UTP20: variants seen among roughly 807,000 people sequenced by gnomAD.
UTP20 encodes UTP20 small subunit processome component.
Under a neutral mutation model 329.5 loss-of-function variants are expected in UTP20, and 164 were observed. The observed-to-expected ratio is 0.50, with a 90% confidence interval of 0.44 to 0.57. The LOEUF is 0.57. Among genes scored for constraint, UTP20 ranks in the 20% least tolerant of loss-of-function variants. The probability of loss-of-function intolerance (pLI) is 0.00; values close to 1 mark genes in which losing one functional copy is unlikely to be tolerated. For missense variants in UTP20, 3,055 were observed against 3,284.2 expected (o/e 0.93, Z 1.71); for synonymous variants, 1,151 against 1,159.3 (o/e 0.99, Z 0.14).
intron 11 of UTP20, 152 bp from the exon 12 acceptor site, chr12:101,295,328 C>A (rs889942452): frequency 3.0e-6 from 2 of 664,960 alleles, no homozygotes; most frequent in Non-Finnish European, 4.8e-6. Context: ...TAAGACATGG[C>A]TGCACAGTCT....
chr12:101,344,755 A>G lies in UTP20; in HGVS notation c.4605+5A>G, dbSNP rs779152207. The G allele has an allele frequency of 2.5e-6, 4 of 1,612,614 alleles. No individual in the cohort carries two copies. The highest frequency in any genetic ancestry group is 3.4e-6 in the Non-Finnish European group (4 of 1,179,338). On this transcript the variant is annotated splice_donor_5th_base_variant and intron_variant, in intron 36 of 61. Coordinates refer to ENST00000261637, the MANE Select transcript of UTP20 (RefSeq NM_014503.3). ...GGTCTGAAGAGCCAGACAGAGGTAT[A>G]TAACTTTGTGTTTTAGGCACTACTG...
chr12:101,295,555 C>T lies in UTP20; in HGVS notation c.1327C>T (p.Leu443=). 1 of 1,613,348 alleles carries T rather than the reference C, an allele frequency of 6.2e-7. No homozygotes were observed. The highest frequency in any genetic ancestry group is 8.5e-7 in the Non-Finnish European group (1 of 1,179,760). ...TGATGCTGTAGTCAAAGATGAAGCT[C>T]TGGCCATTCTGGCCAAGCTCATTCT... ...IDDAVVKDEA[L]AILAKLILNK... is the part of the protein sequence containing the mutation. Residue 443 remains leucine (L), a synonymous_variant, in exon 12 of 62, where the codon CTG becomes TTG. Coordinates refer to ENST00000261637, the MANE Select transcript of UTP20 (RefSeq NM_014503.3).
At chr12:101,326,966 T>C in intron 25 of UTP20, 115 bp from the exon 26 acceptor site, 3 of 1,036,314 alleles carry the variant, frequency 2.9e-6, no homozygotes, top group Non-Finnish European at 2.8e-6. Context: ...GTTTCTGTGT[T>C]TTATAATATA....
At chr12:101,368,580 G>A (rs1391838295) in intron 48 of UTP20, among the ~76,000 whole-genome samples, 1 of 152,100 alleles carries the variant, frequency 6.6e-6, no homozygotes. Flanking sequence ...GTATGTCACT[G>A]GATCCTCACA....
intron 8 of UTP20, chr12:101,291,191 A>G (rs781732422): frequency 4.0e-5 from 9 of 227,356 alleles, no homozygotes; most frequent in Non-Finnish European, 5.9e-5. Flanking sequence ...GTCTCTTCAG[A>G]TAATAAATGG....
rs140719423 is a variant in UTP20, at chr12:101,297,943, C to A, written c.1431-1739C>A. 1.3e-3 allele frequency among the ~76,000 whole-genome samples: 204 copies of A among 152,278 alleles called. 1 individual carries two copies. The highest frequency in any genetic ancestry group is 3.4e-3 in the Middle Eastern group (1 of 294). On this transcript the variant is annotated intron_variant, in intron 12 of 61. Coordinates refer to ENST00000261637, the MANE Select transcript of UTP20 (RefSeq NM_014503.3). ...TTCCACTTCTGTGTTTCTTTCTCTG[C>A]AAAAACACCCCTCTGCCACCCCCAA...
At chr12:101,300,385 C>T (rs932254981) in intron 14 of UTP20, among the ~76,000 whole-genome samples, 1 of 152,174 alleles carries the variant, frequency 6.6e-6, no homozygotes, top group East Asian at 1.9e-4. Flanking sequence ...ACACCTTATG[C>T]TCCAAGCAAA....
At position 101,302,552 on chromosome 12, in the gene UTP20, T is replaced by G; in HGVS notation, c.1780T>G (p.Leu594Val). ...VPVERVKNLV[L>V]TFPLEPSVLL... ...TGTGGAACGTGTGAAGAATTTAGTATTGTAAGTAAACATCTTCCAGTTGGT... is the reference window on the plus strand; with the variant it reads ...TGTGGAACGTGTGAAGAATTTAGTAGTGTAAGTAAACATCTTCCAGTTGGT... Residue 594 changes from leucine to valine, a missense_variant and splice_region_variant, in exon 15 of 62, where the codon TTA (leucine) becomes GTA (valine). Around this residue, in one of 3 missense-constraint regions of UTP20, gnomAD observed 2,445 missense variants for 2,575.5 expected, o/e 0.95. Transcript: ENST00000261637. 1.9e-6 allele frequency: 3 copies of G among 1,588,272 alleles called. No homozygotes were observed. Among genetic ancestry groups the G allele is most frequent in the Non-Finnish European group, 2.6e-6 (3 of 1,166,740 alleles).
intron 44 of UTP20, among the ~76,000 whole-genome samples, chr12:101,362,537 C>G (rs1869962248): frequency 9.8e-6 from 1 of 102,038 alleles, no homozygotes. Context: ...AACCCCGTCT[C>G]TAAGAAAAAT....
chr12:101,357,516 CA>C (rs1869761953), intron 43 of UTP20, among the ~76,000 whole-genome samples: 1 of 152,174 alleles, frequency 6.6e-6, no homozygotes, highest in South Asian at 2.1e-4. Flanking sequence ...TTTAGGAGGC[CA>C]AGACGGGAGG....
Position 101,302,558 on chromosome 12 carries a change from G to C in UTP20, c.1781+5G>C. On this transcript the variant is annotated splice_donor_5th_base_variant and intron_variant, in intron 15 of 61. Transcript: ENST00000261637. ...ACGTGTGAAGAATTTAGTATTGTAA[G>C]TAAACATCTTCCAGTTGGTTTAGTA... The C allele has an allele frequency of 6.4e-7, 1 of 1,566,100 alleles. No homozygotes were observed. The highest frequency in any genetic ancestry group is 8.7e-7 in the Non-Finnish European group (1 of 1,150,068).
Position 101,356,659 on chromosome 12 carries a change from C to T in UTP20, c.5500C>T (p.Leu1834Phe). The T allele has an allele frequency of 6.2e-7, 1 of 1,612,776 alleles. No homozygotes were observed. The highest frequency in any genetic ancestry group is 8.5e-7 in the Non-Finnish European group (1 of 1,179,766). The part of the protein sequence containing the change: ...AFAMVKLMQS[L>F]PQEVMEANLP... ...TGCCATGGTTAAACTAATGCAGTCCCTTCCACAAGAAGTTATGGAAGCTAA... is the reference window on the plus strand; with the variant it reads ...TGCCATGGTTAAACTAATGCAGTCCTTTCCACAAGAAGTTATGGAAGCTAA... Residue 1834 changes from leucine (L) to phenylalanine (F), a missense_variant, in exon 42 of 62, where the codon CTT becomes TTT. Around this residue, in one of 3 missense-constraint regions of UTP20, gnomAD observed 2,445 missense variants for 2,575.5 expected, o/e 0.95. Coordinates refer to ENST00000261637, the MANE Select transcript of UTP20 (RefSeq NM_014503.3).
At chr12:101,313,947 AT>A (rs1234752084) in intron 21 of UTP20, among the ~76,000 whole-genome samples, 1 of 152,218 alleles carries the variant, frequency 6.6e-6, no homozygotes, top group Non-Finnish European at 1.5e-5. Context: ...GTAGAGAGGC[AT>A]TTAATTTAGA....
intron 31 of UTP20, 70 bp from the exon 32 acceptor site, chr12:101,340,453 C>A: frequency 2.1e-6 from 2 of 962,476 alleles, no homozygotes; most frequent in Non-Finnish European, 3.2e-6. Flanking sequence ...TGTTTTTCTA[C>A]AAAAAGTTTA....
At chr12:101,288,708 C>T (rs1385242612) in intron 5 of UTP20, among the ~76,000 whole-genome samples, 1 of 152,198 alleles carries the variant, frequency 6.6e-6, no homozygotes, top group Non-Finnish European at 1.5e-5. Flanking sequence ...GAGCTCATTA[C>T]AAATTTCAAC....
Position 101,362,015 on chromosome 12 carries a change from G to C in UTP20, c.5745G>C (p.Lys1915Asn), listed in dbSNP as rs1869939806. 1.2e-6 allele frequency: 2 copies of C among 1,613,666 alleles called. No homozygotes were observed. Among genetic ancestry groups the C allele is most frequent in the African/African-American group, 2.7e-5 (2 of 74,994 alleles). The change falls in exon 44 of 62, where the codon AAG becomes AAC. Residue 1915 changes from lysine (K) to asparagine (N), a missense_variant. By Grantham distance (94) the Lys-to-Asn change is moderately conservative. Around this residue, in one of 3 missense-constraint regions of UTP20, gnomAD observed 2,445 missense variants for 2,575.5 expected, o/e 0.95. Coordinates refer to ENST00000261637, the MANE Select transcript of UTP20 (RefSeq NM_014503.3). Reference protein sequence around the residue: ...VHMLLQGLTNKLQVGDLDSCL... With the variant: ...VHMLLQGLTNNLQVGDLDSCL... ...TGCTGCTGCAAGGCCTCACCAATAA[G>C]CTGCAGGTCGGAGATTTGGACTCTT...
intron 12 of UTP20, among the ~76,000 whole-genome samples, chr12:101,298,240 C>T (rs1029789158): frequency 2.6e-5 from 4 of 152,030 alleles, no homozygotes; most frequent in African/African-American, 9.6e-5. Context: ...TGTGGTGAGG[C>T]GGGTAAGCAA....
In UTP20 at chr12:101,333,497, A is replaced by G. The variant is rs145922302; in HGVS notation, c.3561+53A>G. 3.1e-6 allele frequency: 5 copies of G among 1,589,064 alleles called. No homozygotes were observed. In the East Asian group the frequency reaches 6.8e-5, roughly 21 times the overall value. ...TGTACGTTCTGCTTTTTCCTTTATT[A>G]CTAACTCACCAACATAGCTACCACC... On this transcript the variant is annotated intron_variant, in intron 28 of 61. Coordinates refer to ENST00000261637, the MANE Select transcript of UTP20 (RefSeq NM_014503.3).
At chr12:101,290,692 A>T in intron 7 of UTP20, 41 bp from the exon 8 acceptor site, 1 of 1,552,636 alleles carries the variant, frequency 6.4e-7, no homozygotes, top group Non-Finnish European at 8.7e-7. Context: ...ACTTGAAAAT[A>T]AGAGTTTATA....
Sources: gnomAD v4.1 joint callset for allele counts (sites outside exome capture counted in the v4.1 genomes callset) on GRCh38, gnomAD v4.1.1 for gene constraint, gnomAD v4.1.1 regional missense constraint, MANE v1.5 for transcripts, NCBI Gene and HGNC (gene_info 2026-07-23, HGNC 2026-07-21) for gene names.